The following DGKI variants were observed in gnomAD, a reference collection of about 807,000 sequenced individuals.
DGKI encodes diacylglycerol kinase iota.
Under a neutral mutation model 147.5 loss-of-function variants are expected in DGKI, and 55 were observed. The observed-to-expected ratio is 0.37, with a 90% CI of 0.30 to 0.47. The LOEUF (loss-of-function observed/expected upper bound fraction) is 0.47. DGKI is among the 20% of genes least tolerant of loss of function. The pLI is 1.00. For synonymous variants in DGKI, 469 were observed against 477.1 expected (o/e 0.98, Z 0.22); for missense variants, 1,007 against 1,323.8 (o/e 0.76, Z 3.71).
chr7:137,599,981 A>AAGTATT, intron 10 of DGKI, 76 bp from the exon 11 acceptor site: 9 of 1,275,476 alleles, frequency 7.1e-6, no homozygotes, highest in South Asian at 1.2e-5. Flanking sequence ...TAAAAAATAA[A>AAGTATT]TACTTTTATT....
chr7:137,626,660 C>T (rs1820952198), intron 6 of DGKI, among the ~76,000 whole-genome samples: 1 of 152,128 alleles, frequency 6.6e-6, no homozygotes, highest in Non-Finnish European at 1.5e-5. Flanking sequence ...AAGGCTACAG[C>T]GACACCTTGT....
intron 12 of DGKI, among the ~76,000 whole-genome samples, chr7:137,593,023 C>T (rs553987857): frequency 6.6e-6 from 1 of 152,130 alleles, no homozygotes; most frequent in Admixed American, 6.5e-5. Flanking sequence ...GAAAATAATA[C>T]TTCCTTCTTT....
chr7:137,791,288 C>A (rs184564013), intron 1 of DGKI, among the ~76,000 whole-genome samples: 2 of 152,272 alleles, frequency 1.3e-5, no homozygotes, highest in Admixed American at 6.5e-5. Context: ...GGTTTGCATT[C>A]TTTTGCAAGT....
chr7:137,720,843 A>T (rs182818247), intron 1 of DGKI, among the ~76,000 whole-genome samples: 2,135 of 152,304 alleles, frequency 0.014, 53 homozygotes, highest in African/African-American at 0.049. Context: ...CAGGTAATGC[A>T]TACAAATTTA....
rs146082419 is a variant in DGKI at position 137,602,312 on chromosome 7, T to C, written c.1168-2407A>G. On this transcript the variant is annotated intron_variant, in intron 10 of 32. Transcript: ENST00000614521. ...ACTAACATCTTCCAAAAAATAAAAA[T>C]AAAAAGCATTGAGAGGTTGTTTTCC... Among the ~76,000 whole-genome samples the C allele has an allele frequency of 3.5e-3, 538 of 152,234 alleles. 1 individual carries two copies. The highest frequency in any genetic ancestry group is 0.012 in the African/African-American group (503 of 41,544).
At chr7:137,522,871 A>G (rs1426934582) in intron 20 of DGKI, among the ~76,000 whole-genome samples, 1 of 152,128 alleles carries the variant, frequency 6.6e-6, no homozygotes, top group Non-Finnish European at 1.5e-5. Context: ...GTCTTTCAAT[A>G]CGACCTTATA....
At chr7:137,477,709 T>G (rs1301187570) in intron 23 of DGKI, among the ~76,000 whole-genome samples, 1 of 152,104 alleles carries the variant, frequency 6.6e-6, no homozygotes, top group African/African-American at 2.4e-5. Flanking sequence ...CAGGCGGGAG[T>G]GCAGTGGTGC....
chr7:137,752,827 T>C (rs1795548628), intron 1 of DGKI, among the ~76,000 whole-genome samples: 1 of 152,156 alleles, frequency 6.6e-6, no homozygotes. Context: ...AATAAAGCCC[T>C]TCCTTCTTTA....
At chr7:137,632,768 A>G (rs1821177434) in intron 6 of DGKI, among the ~76,000 whole-genome samples, 1 of 152,182 alleles carries the variant, frequency 6.6e-6, no homozygotes, top group Non-Finnish European at 1.5e-5. Flanking sequence ...CTGAGGCAGG[A>G]GAATTGCTTG....
At chr7:137,666,081 A>C (rs1222769751) in intron 3 of DGKI, among the ~76,000 whole-genome samples, 1 of 152,268 alleles carries the variant, frequency 6.6e-6, no homozygotes, top group Non-Finnish European at 1.5e-5. Flanking sequence ...AGAACAGTAC[A>C]GGATTCTTTT....
intron 21 of DGKI, among the ~76,000 whole-genome samples, chr7:137,517,331 G>GAAAGAAAGAAAGAA (rs1816806585): frequency 2.7e-5 from 3 of 110,622 alleles, no homozygotes; most frequent in African/African-American, 1.0e-4. Flanking sequence ...AAGAAAGAAA[G>GAAAGAAAGAAAGAA]AAAGAAAGAG....
At chr7:137,822,437 G>C (rs1797932680) in intron 1 of DGKI, among the ~76,000 whole-genome samples, 3 of 151,996 alleles carry the variant, frequency 2.0e-5, no homozygotes, top group Admixed American at 2.0e-4. Context: ...TTATTATTCA[G>C]CCTCAGAAAA....
Position 137,465,929 on chromosome 7 carries a change from A to T in DGKI, c.2591T>A (p.Leu864Gln). ...PAGTPPGMPD[L>Q]VVEQASGISD... ...TCACCCCGAGGCTTGTTCCACCACC[A>T]GGTCAGGCATGCCCGGAGGTGTCCC... The change falls in exon 26 of 33, where the codon CTG becomes CAG. Residue 864 changes from leucine (L) to glutamine (Q), a missense_variant. Leu to Gln is a moderately radical substitution (Grantham distance 113). Transcript: ENST00000614521. 6.2e-7 allele frequency: 1 copy of T among 1,614,082 alleles called. No homozygotes were observed. The highest frequency in any genetic ancestry group is 8.5e-7 in the Non-Finnish European group (1 of 1,179,968).
chr7:137,482,384 C>G (rs1815402487), intron 23 of DGKI, among the ~76,000 whole-genome samples: 1 of 151,906 alleles, frequency 6.6e-6, no homozygotes, highest in Non-Finnish European at 1.5e-5. Context: ...ATAGATAGAA[C>G]AGTGGGCCCT....
intron 1 of DGKI, among the ~76,000 whole-genome samples, chr7:137,820,858 G>A (rs1423709019): frequency 6.6e-6 from 1 of 152,152 alleles, no homozygotes; most frequent in African/African-American, 2.4e-5. Flanking sequence ...GCCTCCCCCA[G>A]CCGGCATCAG....
Position 137,474,851 on chromosome 7 carries a change from G to T in DGKI, c.2374-5232C>A, listed in dbSNP as rs775814589. On this transcript the variant is annotated intron_variant, in intron 23 of 32. Transcript: ENST00000614521. ...CTTTGAGAGGCACGACAATCCTGGC[G>T]CCCTACCCGCTACTCGCTGTGAGAG... 2.6e-5 allele frequency among the ~76,000 whole-genome samples: 4 copies of T among 152,078 alleles called. 1 individual carries two copies. Among genetic ancestry groups the T allele is most frequent in the Admixed American group, 6.6e-5 (1 of 15,264 alleles).
intron 1 of DGKI, among the ~76,000 whole-genome samples, chr7:137,732,407 TTACAA>T (rs1794910543): frequency 6.6e-6 from 1 of 152,070 alleles, no homozygotes; most frequent in African/African-American, 2.4e-5. Flanking sequence ...TCAGAGTCTA[TTACAA>T]TACAATATGC....
intron 1 of DGKI, among the ~76,000 whole-genome samples, chr7:137,793,366 T>G (rs1334932702): frequency 6.6e-6 from 1 of 151,850 alleles, no homozygotes; most frequent in Non-Finnish European, 1.5e-5. Flanking sequence ...AGTGGTATGA[T>G]CTCAGCTCAC....
chr7:137,619,369 A>G (rs7811058), intron 8 of DGKI, among the ~76,000 whole-genome samples: 1 of 152,224 alleles, frequency 6.6e-6, no homozygotes, highest in Admixed American at 6.5e-5. Flanking sequence ...GTATTCAGGA[A>G]GGTCATGATT....
Sources: gnomAD v4.1 joint callset for allele counts (sites outside exome capture counted in the v4.1 genomes callset) on GRCh38, gnomAD v4.1.1 for gene constraint, MANE v1.5 for transcripts, NCBI Gene and HGNC (gene_info 2026-07-23, HGNC 2026-07-21) for gene names.